SAMSN1: variants seen among roughly 807,000 people sequenced by gnomAD.
SAMSN1 encodes the protein SAM domain-containing protein SAMSN-1.
In SAMSN1, 31 loss-of-function variants were observed where a neutral mutation model predicts 42.0. The ratio of observed to expected loss-of-function variants is 0.74; its 90% CI spans 0.55 to 1.00. SAMSN1 has a LOEUF of 1.00. Among genes scored for constraint, SAMSN1 ranks in the 50% least tolerant of loss-of-function variants. The pLI, the probability that SAMSN1 is intolerant of heterozygous loss-of-function variation, is 0.00. For missense variants in SAMSN1, 464 were observed against 439.4 expected (o/e 1.06, Z -0.50); for synonymous variants, 178 against 151.9 (o/e 1.17, Z -1.26).
chr21:14,651,844 A>T (rs761589202), intron 1 of SAMSN1, among the ~76,000 whole-genome samples: 1 of 152,096 alleles, frequency 6.6e-6, no homozygotes, highest in Non-Finnish European at 1.5e-5. Flanking sequence ...ATACAATTTC[A>T]ACATAAAATA....
Position 14,512,498 on chromosome 21 carries a change from A to G in SAMSN1, c.355T>C (p.Ser119Pro). 2 of 1,613,962 alleles carry G rather than the reference A, an allele frequency of 1.2e-6. No individual in the cohort carries two copies. The highest frequency in any genetic ancestry group is 1.7e-6 in the Non-Finnish European group (2 of 1,179,896). ...PVIGTHTEKVSLKASDSMDSL... is the reference protein window; with the variant it reads ...PVIGTHTEKVPLKASDSMDSL... ...TCCATGGAGTCACTGGCTTTGAGGG[A>G]CACCTTCTCTGTGTGGGTCCCAATC... Residue 119 changes from serine to proline, a missense_variant, in exon 4 of 8, where the codon TCC becomes CCC. Transcript: ENST00000400566.
At chr21:14,655,060 A>G (rs1171343486) in intron 1 of SAMSN1, among the ~76,000 whole-genome samples, 1 of 151,900 alleles carries the variant, frequency 6.6e-6, no homozygotes. Context: ...ATCTCCAAAG[A>G]GCTAAATAAA....
chr21:14,536,419 G>A (rs1273587762), intron 1 of SAMSN1, among the ~76,000 whole-genome samples: 3 of 152,250 alleles, frequency 2.0e-5, no homozygotes, highest in African/African-American at 7.2e-5. Context: ...AAACAAAGGG[G>A]AGGCTACACT....
At chr21:14,587,911 A>C (rs1981971671), upstream of SAMSN1, among the ~76,000 whole-genome samples, 6 of 94,228 alleles carry the variant, frequency 6.4e-5, no homozygotes, top group South Asian at 2.5e-3. Flanking sequence ...CCCACCCCGC[A>C]ACAGTCCCCA....
chr21:14,585,292 A>G (rs959033712), upstream of SAMSN1: 3 of 152,196 alleles, frequency 2.0e-5, no homozygotes, highest in Non-Finnish European at 4.4e-5. Flanking sequence ...TTTCAGAAAT[A>G]ATAAGATGAC....
chr21:14,529,586 T>A (rs765264729), intron 1 of SAMSN1, among the ~76,000 whole-genome samples: 2 of 152,222 alleles, frequency 1.3e-5, no homozygotes, highest in Non-Finnish European at 2.9e-5. Context: ...GGGCTGTCGG[T>A]ATGAATAAAT....
intron 7 of SAMSN1, among the ~76,000 whole-genome samples, chr21:14,488,079 A>G (rs575380880): frequency 1.3e-5 from 2 of 152,008 alleles, no homozygotes; most frequent in Admixed American, 6.6e-5. Flanking sequence ...TGGCTTTTCT[A>G]TCTTATTGCC....
chr21:14,550,246 A>G (rs1041979997), upstream of SAMSN1, among the ~76,000 whole-genome samples: 2 of 152,078 alleles, frequency 1.3e-5, no homozygotes, highest in African/African-American at 4.8e-5. Context: ...CTAACTCTCT[A>G]AAGTCACTTA....
chr21:14,526,384 A>T (rs1478227150), intron 1 of SAMSN1, among the ~76,000 whole-genome samples: 2 of 152,234 alleles, frequency 1.3e-5, no homozygotes, highest in African/African-American at 2.4e-5. Context: ...TCTTCCACAC[A>T]GTCCACTTGG....
At chr21:14,563,419 CTG>C (rs1568809976) in intron 2 of SAMSN1, among the ~76,000 whole-genome samples, 1 of 152,142 alleles carries the variant, frequency 6.6e-6, no homozygotes, top group African/African-American at 2.4e-5. Flanking sequence ...AATTAAGACT[CTG>C]TAAGTATGAA....
intron 5 of SAMSN1, among the ~76,000 whole-genome samples, chr21:14,502,079 A>G (rs911790967): frequency 2.4e-4 from 37 of 152,228 alleles, no homozygotes; most frequent in Admixed American, 2.4e-3. Flanking sequence ...TTAAGTGTCT[A>G]TCCTCAAACA....
intron 1 of SAMSN1, among the ~76,000 whole-genome samples, chr21:14,529,043 T>C (rs1438334319): frequency 6.6e-6 from 1 of 152,252 alleles, no homozygotes; most frequent in Non-Finnish European, 1.5e-5. Context: ...ATTCAGTGCA[T>C]GTGTGATTCT....
chr21:14,493,069 C>G (rs17003298), intron 7 of SAMSN1, among the ~76,000 whole-genome samples: 1 of 152,184 alleles, frequency 6.6e-6, no homozygotes, highest in Admixed American at 6.5e-5. Flanking sequence ...AGCTCGTGTT[C>G]CAGGCTCCTG....
chr21:14,610,952 G>A lies in SAMSN1; in HGVS notation c.236-1384C>T, dbSNP rs149337975. On this transcript the variant is annotated intron_variant, in intron 4 of 15. Transcript: ENST00000647101. ...ATTATTATTACTTTTCTGAGACAGC[G>A]TCTTACTCTGTTGCCCAGGTTGGAG... Among the ~76,000 whole-genome samples the A allele has an allele frequency of 5.4e-3, 816 of 152,226 alleles. 7 individuals carry two copies. The highest frequency in any genetic ancestry group is 0.018 in the African/African-American group (748 of 41,504).
At chr21:14,586,139 T>A (rs1239322138), upstream of SAMSN1, among the ~76,000 whole-genome samples, 1 of 151,236 alleles carries the variant, frequency 6.6e-6, no homozygotes, top group Admixed American at 6.6e-5. Context: ...GGCATGCACC[T>A]GTGATCCCAG....
At position 14,512,512 on chromosome 21, in the gene SAMSN1, T is replaced by C. The variant is rs906577767; in HGVS notation, c.341A>G (p.His114Arg). 3 of 1,613,496 alleles carry C rather than the reference T, an allele frequency of 1.9e-6. No individual in the cohort carries two copies. In the African/African-American group the frequency reaches 4.0e-5, roughly 22 times the overall value. The stretch of plus-strand genomic sequence containing the variant: ...GGCTTTGAGGGACACCTTCTCTGTG[T>C]GGGTCCCAATCACAGGGTCACTGTT... ...YRNSDPVIGT[H>R]TEKVSLKASD... The change falls in exon 4 of 8, where the codon CAC becomes CGC. Residue 114 changes from histidine (H) to arginine (R), a missense_variant. Physicochemically the swap from His to Arg is conservative, Grantham distance 29. Coordinates refer to ENST00000400566, the MANE Select transcript of SAMSN1 (RefSeq NM_022136.5).
intron 1 of SAMSN1, among the ~76,000 whole-genome samples, chr21:14,657,362 A>G (rs1390901787): frequency 1.3e-5 from 2 of 151,822 alleles, no homozygotes; most frequent in Non-Finnish European, 2.9e-5. Flanking sequence ...AGTTACAGTC[A>G]TATTGAGTCC....
chr21:14,564,000 T>A (rs1981027895), intron 2 of SAMSN1, among the ~76,000 whole-genome samples: 1 of 152,194 alleles, frequency 6.6e-6, no homozygotes. Context: ...CTACTGGCAT[T>A]CATTCATTTT....
chr21:14,586,831 GA>G (rs1467666070), upstream of SAMSN1, among the ~76,000 whole-genome samples: 4 of 152,214 alleles, frequency 2.6e-5, no homozygotes, highest in Non-Finnish European at 4.4e-5. Flanking sequence ...TTTCACCTGA[GA>G]CTTGCATTGG....
Sources: allele counts gnomAD v4.1 joint callset (sites outside exome capture counted in the v4.1 genomes callset), GRCh38; gene constraint gnomAD v4.1.1; transcripts MANE v1.5; gene names NCBI Gene and HGNC (gene_info 2026-07-23, HGNC 2026-07-21).